ARHGEF26: variants seen among roughly 807,000 people sequenced by gnomAD.
ARHGEF26 encodes the protein Rho guanine nucleotide exchange factor (GEF) 26.
ARHGEF26 carries 59 observed loss-of-function variants against 89.4 expected under a neutral mutation model. The observed-to-expected ratio is 0.66, with a 90% CI of 0.54 to 0.82. The LOEUF (loss-of-function observed/expected upper bound fraction) is 0.82. ARHGEF26 is among the 40% of genes least tolerant of loss of function. The pLI is 0.00. For missense variants in ARHGEF26, 1,234 were observed against 1,085.6 expected (o/e 1.14, Z -1.92); for synonymous variants, 500 against 428.4 (o/e 1.17, Z -2.06).
chr3:154,240,305 G>A (rs1488824978), intron 11 of ARHGEF26, 65 bp from the exon 12 acceptor site: 14 of 1,300,866 alleles, frequency 1.1e-5, no homozygotes, highest in African/African-American at 4.4e-5. Flanking sequence ...AATGTGCCTC[G>A]AAAACTGACA....
intron 10 of ARHGEF26, among the ~76,000 whole-genome samples, chr3:154,224,496 G>T (rs948284226): frequency 8.5e-5 from 13 of 152,176 alleles, no homozygotes; most frequent in Admixed American, 7.9e-4. Flanking sequence ...CCATAATATT[G>T]TCCTTGGTTC....
chr3:154,124,118 G>A (rs1718174277), intron 2 of ARHGEF26, among the ~76,000 whole-genome samples: 1 of 152,174 alleles, frequency 6.6e-6, no homozygotes, highest in Non-Finnish European at 1.5e-5. Flanking sequence ...CAGTGATGGT[G>A]AATCACGAGT....
chr3:154,129,710 A>G lies in ARHGEF26; in HGVS notation c.1260A>G (p.Gln420=), dbSNP rs747148864. 18 of 1,611,560 alleles carry G rather than the reference A, an allele frequency of 1.1e-5. No homozygotes were observed. In the South Asian group the frequency reaches 1.5e-4, roughly 14 times the overall value. Residue 420 remains glutamine (Q), a synonymous_variant, in exon 4 of 15, where the codon CAA becomes CAG. Coordinates refer to ENST00000465093, the MANE Select transcript of ARHGEF26 (RefSeq NM_015595.4). ...HHKPLRSTWS[Q]LSAVKRKGLS... ...AGCCATTGAGATCCACATGGAGCCA[A>G]CTCTCTGCGGTGAGTGTTTATCTTC... is the stretch of plus-strand genomic sequence containing the variant.
At chr3:154,129,274 C>T (rs1182329688) in intron 3 of ARHGEF26, among the ~76,000 whole-genome samples, 1 of 152,038 alleles carries the variant, frequency 6.6e-6, no homozygotes, top group African/African-American at 2.4e-5. Flanking sequence ...GTAATTTAAC[C>T]TAAATTACAG....
intron 6 of ARHGEF26, among the ~76,000 whole-genome samples, chr3:154,166,030 T>C (rs1489785269): frequency 6.6e-6 from 1 of 152,124 alleles, no homozygotes; most frequent in Non-Finnish European, 1.5e-5. Flanking sequence ...CTACAGTATT[T>C]ATTTATATCT....
Position 154,129,569 on chromosome 3 carries a change from T to C in ARHGEF26, c.1124-5T>C. The stretch of plus-strand genomic sequence containing the variant: ...TAGTGACACATAGGCCTTGTTTTCT[T>C]GCAGAAAATGCTGTCCTGTATCAAA... On this transcript the variant is annotated splice_polypyrimidine_tract_variant and splice_region_variant and intron_variant, in intron 3 of 14. Coordinates refer to ENST00000465093, the MANE Select transcript of ARHGEF26 (RefSeq NM_015595.4). 1 of 1,610,410 alleles carries C rather than the reference T, an allele frequency of 6.2e-7. No homozygotes were observed. Among genetic ancestry groups the C allele is most frequent in the Non-Finnish European group, 8.5e-7 (1 of 1,178,160 alleles).
In ARHGEF26 at chr3:154,174,854, T is replaced by A. The variant is rs144900710; in HGVS notation, c.1488-12831T>A. Among the ~76,000 whole-genome samples the A allele has an allele frequency of 1.2e-4, 18 of 152,140 alleles. No homozygotes were observed. The East Asian group carries it at 3.5e-3, about 29-fold the overall frequency. ...TCTGAATTAAAAAATAGTTAAGAAA[T>A]TTGAGTTGGCTTGGCAAAGAAAACT... On this transcript the variant is annotated intron_variant, in intron 6 of 14. Coordinates refer to ENST00000465093, the MANE Select transcript of ARHGEF26 (RefSeq NM_015595.4).
rs1340791774 is a variant in ARHGEF26 at position 154,240,478 on chromosome 3, GCT to G, written c.2202_2203del (p.Tyr735PhefsTer16). The G allele has an allele frequency of 6.2e-7, 1 of 1,613,266 alleles. No individual in the cohort carries two copies. Among genetic ancestry groups the G allele is most frequent in the African/African-American group, 1.3e-5 (1 of 74,918 alleles). On this transcript the variant is annotated frameshift_variant, in exon 12 of 15. Transcript: ENST00000465093. LOFTEE classifies it high-confidence loss of function. ...SSPGKNSSTMLYSRQSSASHL... is the reference protein window; with the variant it reads ...SSPGKNSSTMXYSRQSSASHL... ...CTCCAGGGAAGAACAGCTCCACAAT[GCT>G]CTATTCAAGACAGAGCTCTGCCAGT...
At chr3:154,188,711 G>A (rs1713749041) in intron 7 of ARHGEF26, among the ~76,000 whole-genome samples, 1 of 152,156 alleles carries the variant, frequency 6.6e-6, no homozygotes, top group Admixed American at 6.5e-5. Flanking sequence ...GACCCCTATG[G>A]AGGAGTAGGG....
Position 154,177,104 on chromosome 3 carries a change from T to C in ARHGEF26, c.1488-10581T>C, listed in dbSNP as rs182847788. Among the ~76,000 whole-genome samples, 16 of 152,322 alleles carry C rather than the reference T, an allele frequency of 1.1e-4. No homozygotes were observed. The South Asian group carries it at 1.2e-3, about 12-fold the overall frequency. ...ACAACATTGGTGAAATGTGACTGTTTATGGTTTACAAATTACTGATTGGCA... is the reference window on the plus strand; with the variant it reads ...ACAACATTGGTGAAATGTGACTGTTCATGGTTTACAAATTACTGATTGGCA... On this transcript the variant is annotated intron_variant, in intron 6 of 14. Transcript: ENST00000465093.
chr3:154,186,886 CTTT>C (rs201150057), intron 6 of ARHGEF26, among the ~76,000 whole-genome samples: 23 of 82,068 alleles, frequency 2.8e-4, no homozygotes, highest in African/African-American at 8.5e-4. Context: ...TTATTTCAGA[CTTT>C]TTTTTTTTTT....
chr3:154,168,677 C>T (rs1712208746), intron 6 of ARHGEF26, among the ~76,000 whole-genome samples: 1 of 152,162 alleles, frequency 6.6e-6, no homozygotes, highest in Non-Finnish European at 1.5e-5. Context: ...ACTCTGTTAC[C>T]CTTCACCTTC....
At position 154,256,836 on chromosome 3, in the gene ARHGEF26, G is replaced by C. The variant is rs1331738715; in HGVS notation, c.*1363G>C. 3.9e-6 allele frequency: 6 copies of C among 1,529,300 alleles called. 1 individual carries two copies. Among genetic ancestry groups the C allele is most frequent in the South Asian group, 2.4e-5 (2 of 82,784 alleles). 94.7% of individuals were successfully genotyped at this position (1,529,300 alleles called of 1,614,324 possible). ...TGTATTCAGAGTCCCTCTTAACTGT[G>C]AGTTTCTATAGAACTTTACTTTTTC... On this transcript the variant is annotated 3_prime_UTR_variant, in exon 15 of 15. Transcript: ENST00000465093.
intron 6 of ARHGEF26, among the ~76,000 whole-genome samples, chr3:154,154,928 T>C (rs1054511847): frequency 1.3e-5 from 2 of 152,076 alleles, no homozygotes; most frequent in African/African-American, 2.4e-5. Flanking sequence ...CTTTGAGATT[T>C]TCTAGAATTA....
In ARHGEF26 at chr3:154,257,737, C is replaced by A. The variant is rs1457127318; in HGVS notation, c.*2264C>A. ...GTACATTGACTTCATTACTAAAGAA[C>A]AAAAATGTTCATTTTTGTCCCAGTA... On this transcript the variant is annotated 3_prime_UTR_variant, in exon 15 of 15. Coordinates refer to ENST00000465093, the MANE Select transcript of ARHGEF26 (RefSeq NM_015595.4). 2 of 151,408 alleles carry A rather than the reference C, an allele frequency of 1.3e-5. No homozygotes were observed. Among genetic ancestry groups the A allele is most frequent in the African/African-American group, 2.5e-5 (1 of 40,712 alleles). 9.4% of individuals were successfully genotyped at this position (151,408 alleles called of 1,614,324 possible). A position where few individuals can be genotyped will look rare whatever the true frequency, so the allele number is the denominator to read the frequency against.
At chr3:154,130,012 C>T (rs533584457) in intron 4 of ARHGEF26, among the ~76,000 whole-genome samples, 5 of 152,036 alleles carry the variant, frequency 3.3e-5, no homozygotes, top group Non-Finnish European at 7.4e-5. Context: ...ATAGCCTGCA[C>T]TTTATCATAA....
At chr3:154,184,386 A>G (rs1221004654) in intron 6 of ARHGEF26, among the ~76,000 whole-genome samples, 2 of 152,248 alleles carry the variant, frequency 1.3e-5, no homozygotes, top group Non-Finnish European at 2.9e-5. Flanking sequence ...AGTCTTAACT[A>G]TATAGTACCT....
At chr3:154,226,152 G>T in intron 11 of ARHGEF26, 142 bp downstream of exon 11, 1 of 721,654 alleles carries the variant, frequency 1.4e-6, no homozygotes, top group South Asian at 2.9e-5. Context: ...TTGCATCTAT[G>T]GTTCATTTTC....
chr3:154,134,037 G>A (rs1376514957), intron 4 of ARHGEF26, among the ~76,000 whole-genome samples: 1 of 152,078 alleles, frequency 6.6e-6, no homozygotes, highest in African/African-American at 2.4e-5. Context: ...TTTGCACATC[G>A]ATTTCGTATC....
Sources: allele counts gnomAD v4.1 joint callset (sites outside exome capture counted in the v4.1 genomes callset), GRCh38; gene constraint gnomAD v4.1.1; transcripts MANE v1.5; gene names NCBI Gene and HGNC (gene_info 2026-07-23, HGNC 2026-07-21).